Variants in SAMMSON observed in about 807,000 individuals in gnomAD.
The protein encoded by SAMMSON is long intergenic non-protein coding RNA 1212.
chr3:70,078,773 G>T (rs2067257713), intron 4 of SAMMSON, among the ~76,000 whole-genome samples: 1 of 152,172 alleles, frequency 6.6e-6, no homozygotes, highest in African/African-American at 2.4e-5. Flanking sequence ...AACTTAAGTT[G>T]TTGGGCACGT....
chr3:70,156,741 T>G (rs931993917), intron 4 of SAMMSON, among the ~76,000 whole-genome samples: 1 of 152,132 alleles, frequency 6.6e-6, no homozygotes, highest in Non-Finnish European at 1.5e-5. Context: ...TCTGATTTTT[T>G]TTCTTTTGGA....
intron 4 of SAMMSON, among the ~76,000 whole-genome samples, chr3:70,080,307 T>C (rs1440820382): frequency 5.3e-5 from 8 of 152,200 alleles, no homozygotes; most frequent in Non-Finnish European, 2.9e-5. Flanking sequence ...CTTGCCCAGA[T>C]AAATCACATG....
intron 4 of SAMMSON, among the ~76,000 whole-genome samples, chr3:70,181,328 G>A (rs957714952): frequency 1.3e-5 from 2 of 152,142 alleles, no homozygotes; most frequent in African/African-American, 2.4e-5. Flanking sequence ...TAAGCTAAAG[G>A]AATAAAACTA....
At chr3:70,009,201 T>C (rs976318935) in intron 1 of SAMMSON, 4 of 152,150 alleles carry the variant, frequency 2.6e-5, no homozygotes, top group African/African-American at 7.2e-5. Context: ...TTGGAATAGT[T>C]TCAGAAGGAA....
chr3:70,022,426 C>CAAAAAAAAAAAAAAAAAAAAAAA (rs60455629), intron 3 of SAMMSON, among the ~76,000 whole-genome samples: 8 of 91,126 alleles, frequency 8.8e-5, no homozygotes, highest in African/African-American at 1.2e-4. Flanking sequence ...AGTATAATAA[C>CAAAAAAAAAAAAAAAAAAAAAAA]AAAAAAAAAA....
rs540031105 is a variant in SAMMSON, at chr3:70,150,871, A to G, written n.507+79306A>G. 1.8e-4 allele frequency among the ~76,000 whole-genome samples: 27 copies of G among 152,198 alleles called. 1 individual carries two copies. In the South Asian group the frequency reaches 5.4e-3, roughly 30 times the overall value. On this transcript the variant is annotated intron_variant and non_coding_transcript_variant, in intron 4 of 9. Transcript: ENST00000642114. ...GCTGCCATCCCCTTAAAGGCTACAA[A>G]TAACAAATATCCAGGAACACAGAAT...
At chr3:70,227,371 A>T (rs1244800468) in intron 4 of SAMMSON, among the ~76,000 whole-genome samples, 1 of 152,150 alleles carries the variant, frequency 6.6e-6, no homozygotes, top group Admixed American at 6.5e-5. Context: ...TACTCAAGAG[A>T]TGAGAATATG....
intron 4 of SAMMSON, among the ~76,000 whole-genome samples, chr3:70,130,075 G>C (rs1011332149): frequency 8.5e-5 from 13 of 152,184 alleles, no homozygotes; most frequent in African/African-American, 3.1e-4. Flanking sequence ...TGGTGAAACA[G>C]TGATGACAGT....
At chr3:70,158,325 A>G (rs1400433179) in intron 4 of SAMMSON, among the ~76,000 whole-genome samples, 2 of 152,064 alleles carry the variant, frequency 1.3e-5, no homozygotes, top group Non-Finnish European at 2.9e-5. Context: ...TTTGTGTTAG[A>G]CTTCTTTCAC....
intron 6 of SAMMSON, among the ~76,000 whole-genome samples, chr3:70,266,677 C>A (rs1701919628): frequency 6.6e-6 from 1 of 152,044 alleles, no homozygotes; most frequent in South Asian, 2.1e-4. Context: ...AACTCCTAGG[C>A]CCAAGAGATT....
chr3:70,205,193 C>T (rs1380997221), intron 4 of SAMMSON: 2 of 152,096 alleles, frequency 1.3e-5, no homozygotes, highest in African/African-American at 4.8e-5. Flanking sequence ...TCTGGATTTT[C>T]TTGGAAAACT....
intron 3 of SAMMSON, among the ~76,000 whole-genome samples, chr3:70,045,409 C>G (rs1424574440): frequency 6.6e-6 from 1 of 151,090 alleles, no homozygotes; most frequent in Non-Finnish European, 1.5e-5. Flanking sequence ...ATTAGTTAAG[C>G]AAGAGAATCA....
chr3:70,432,921 G>GT (rs1186543875), intron 2 of SAMMSON, among the ~76,000 whole-genome samples: 4 of 151,934 alleles, frequency 2.6e-5, no homozygotes, highest in African/African-American at 9.7e-5. Flanking sequence ...ACAGTATGTA[G>GT]TTTTTTCAGA....
intron 9 of SAMMSON, among the ~76,000 whole-genome samples, chr3:70,375,049 C>T (rs115073661): frequency 1.3e-5 from 2 of 152,028 alleles, no homozygotes; most frequent in South Asian, 2.1e-4. Flanking sequence ...TATATGTGTG[C>T]ATGCGTGTAA....
intron 7 of SAMMSON, among the ~76,000 whole-genome samples, chr3:70,301,760 C>T (rs896225186): frequency 4.6e-5 from 7 of 151,914 alleles, no homozygotes; most frequent in African/African-American, 1.7e-4. Context: ...ATAAACTTTT[C>T]ATATTTTATG....
chr3:70,010,934 T>C (rs1346247869), intron 1 of SAMMSON, among the ~76,000 whole-genome samples: 1 of 152,010 alleles, frequency 6.6e-6, no homozygotes, highest in Non-Finnish European at 1.5e-5. Flanking sequence ...AGCATGCAGG[T>C]GATGCTGTTG....
At chr3:70,350,527 G>T (rs572756542) in intron 7 of SAMMSON, among the ~76,000 whole-genome samples, 2 of 152,050 alleles carry the variant, frequency 1.3e-5, no homozygotes, top group Admixed American at 6.5e-5. Flanking sequence ...GATTTTCAAT[G>T]AAAGATAATT....
At chr3:70,276,447 C>G (rs1169959010) in intron 6 of SAMMSON, among the ~76,000 whole-genome samples, 1 of 152,092 alleles carries the variant, frequency 6.6e-6, no homozygotes, top group Non-Finnish European at 1.5e-5. Context: ...GCATATGCCT[C>G]TCATTATTTT....
chr3:70,245,100 C>T (rs143670243), intron 4 of SAMMSON, among the ~76,000 whole-genome samples: 2 of 152,150 alleles, frequency 1.3e-5, no homozygotes, highest in South Asian at 2.1e-4. Flanking sequence ...TACTAGAAAC[C>T]TAAGCTCATT....
Sources: allele counts gnomAD v4.1 joint callset (sites outside exome capture counted in the v4.1 genomes callset), GRCh38; gene constraint gnomAD v4.1.1; transcripts MANE v1.5; gene names NCBI Gene and HGNC (gene_info 2026-07-23, HGNC 2026-07-21).